The following LTBR variants were observed in gnomAD, a reference collection of about 807,000 sequenced individuals.
LTBR encodes the protein tumor necrosis factor receptor superfamily member 3.
In LTBR, 15 loss-of-function variants were observed where a neutral mutation model predicts 45.4. The ratio of observed to expected loss-of-function variants is 0.33; its 90% CI spans 0.22 to 0.51. LTBR has a LOEUF of 0.51. Ranked by LOEUF, LTBR falls within the 20% of genes least tolerant of loss-of-function variation. The probability of loss-of-function intolerance (pLI) is 0.97; values close to 1 mark genes in which losing one functional copy is unlikely to be tolerated. For missense variants in LTBR, 450 were observed against 565.5 expected, an observed-to-expected ratio of 0.80 and a Z score of 2.07; for synonymous variants, 228 against 231.0, an observed-to-expected ratio of 0.99 and a Z score of 0.12.
In LTBR at chr12:6,386,027, T is replaced by A. The variant is rs1254890565; in HGVS notation, c.473-39T>A. On this transcript the variant is annotated intron_variant, in intron 4 of 9. Transcript: ENST00000228918. This position sits in a 1 kb window ranked among gnomAD's most constrained non-coding sequence, Gnocchi z 4.1. ...AGGCCGGCAAAGGGCCCCTCCCTTT[T>A]GCCCATTCACCCTGGCTGGCCTGCC... 6.9e-7 allele frequency: 1 copy of A among 1,457,578 alleles called. No homozygotes were observed. Among genetic ancestry groups the A allele is most frequent in the East Asian group, 2.3e-5 (1 of 44,096 alleles). 90.3% of individuals were successfully genotyped at this position (1,457,578 alleles called of 1,614,324 possible).
In LTBR at chr12:6,390,153, G is replaced by A. The variant is rs779228196; in HGVS notation, c.843G>A (p.Pro281=). 8.7e-6 allele frequency: 14 copies of A among 1,613,958 alleles called. No homozygotes were observed. Among genetic ancestry groups the A allele is most frequent in the East Asian group, 6.7e-5 (3 of 44,872 alleles). ...PNPVAGSWEP[P]KAHPYFPDLV... is the part of the protein sequence containing the mutation. ...CTGTAGCTGGAAGCTGGGAGCCTCC[G>A]AAGGCCCATCCATACTTCCCTGACT... The change falls in exon 9 of 10, where the codon CCG becomes CCA. Residue 281 remains proline (P), a synonymous_variant. Coordinates refer to ENST00000228918, the MANE Select transcript of LTBR (RefSeq NM_002342.3).
chr12:6,385,808 G>A (rs1293178482), intron 4 of LTBR: 1 of 390,740 alleles, frequency 2.6e-6, no homozygotes, highest in African/African-American at 2.1e-5. Flanking sequence ...GGGAGGCTGA[G>A]GCAGGAGAAT....
At chr12:6,375,474 A>G in exon 1 of LTBR, 1 of 1,535,388 alleles carries the variant, frequency 6.5e-7, no homozygotes, top group Non-Finnish European at 8.7e-7. Context: ...TTCCAGTTGA[A>G]TCTGGCAGCC....
chr12:6,376,209 T>A (rs1008529546), intron 1 of LTBR: 6 of 984,048 alleles, frequency 6.1e-6, no homozygotes, highest in Non-Finnish European at 1.2e-6. Context: ...GTGGGATGCG[T>A]CTGCCTCCTC....
At chr12:6,376,262 A>C in intron 1 of LTBR, 1 of 876,526 alleles carries the variant, frequency 1.1e-6, no homozygotes, top group Non-Finnish European at 1.4e-6. Flanking sequence ...CACCCCCTCC[A>C]ACCTTGTCCA....
intron 1 of LTBR, chr12:6,377,598 C>G (rs1948932478): frequency 8.9e-7 from 1 of 1,124,736 alleles, no homozygotes; most frequent in Admixed American, 2.2e-5. Flanking sequence ...GGTCTCTGCA[C>G]TGTCCCCACT....
Position 6,388,544 on chromosome 12 carries a change from G to A in LTBR, c.775+39G>A, listed in dbSNP as rs1171868947. On this transcript the variant is annotated intron_variant, in intron 7 of 9. Coordinates refer to ENST00000228918, the MANE Select transcript of LTBR (RefSeq NM_002342.3). This position sits in a 1 kb window ranked among gnomAD's most constrained non-coding sequence, Gnocchi z 4.3. Reference sequence around the variant, plus strand: ...GGATGCAGTGGATGGTTGGCAATGGGAGCCGGAGGGAGGAATATTCAACTT... The same window carrying A: ...GGATGCAGTGGATGGTTGGCAATGGAAGCCGGAGGGAGGAATATTCAACTT... 3 of 1,550,952 alleles carry A rather than the reference G, an allele frequency of 1.9e-6. No individual in the cohort carries two copies. The highest frequency in any genetic ancestry group is 1.7e-4 in the Middle Eastern group (1 of 5,962).
chr12:6,384,678 C>T lies in LTBR; in HGVS notation c.187C>T (p.Pro63Ser). 1.2e-6 allele frequency: 2 copies of T among 1,614,130 alleles called. No individual in the cohort carries two copies. The highest frequency in any genetic ancestry group is 1.7e-6 in the Non-Finnish European group (2 of 1,179,958). ...GCACCGCATCTGCTGCTCCCGCTGC[C>T]CGCCAGGTGAGAGGCAATGGCAGGA... ...PQHRICCSRCPPGTYVSAKCS... is the reference protein window; with the variant it reads ...PQHRICCSRCSPGTYVSAKCS... The change falls in exon 2 of 10, where the codon CCG becomes TCG. Residue 63 changes from proline (P) to serine (S), a missense_variant. Coordinates refer to ENST00000228918, the MANE Select transcript of LTBR (RefSeq NM_002342.3).
In LTBR at chr12:6,384,567, C is replaced by A. The variant is rs760960180; in HGVS notation, c.97-21C>A. 6.2e-6 allele frequency: 10 copies of A among 1,612,260 alleles called. No homozygotes were observed. In the South Asian group the frequency reaches 1.1e-4, roughly 18 times the overall value. On this transcript the variant is annotated intron_variant, in intron 1 of 9. Transcript: ENST00000228918. Reference sequence around the variant, plus strand: ...GACCCCTGACTAATTCTTCTCTCCTCTTCTCCATCTCCCTTTGAAGGTGCC... The same window carrying A: ...GACCCCTGACTAATTCTTCTCTCCTATTCTCCATCTCCCTTTGAAGGTGCC...
rs1282644544 is a variant in LTBR, at chr12:6,375,750, G to T, written c.39+156G>T. The T allele has an allele frequency of 3.5e-6, 5 of 1,412,504 alleles. No homozygotes were observed. In the African/African-American group the frequency reaches 5.9e-5, roughly 17 times the overall value. The allele number at this position is 1,412,504 out of a possible 1,614,324, so 87.5% of individuals were successfully genotyped here. ...ACGCAGACAGGCAAGGAGGCTGGGG[G>T]ACAGGATGGCAGGTGAGGGGCAAAG... On this transcript the variant is annotated intron_variant, in intron 1 of 9. Coordinates refer to the LTBR transcript ENST00000539925.
In LTBR at chr12:6,385,234, C is replaced by T. The variant is rs1214035035; in HGVS notation, c.327C>T (p.Gly109=). Residue 109 remains glycine, a synonymous_variant, in exon 4 of 10, where the codon GGC becomes GGT. Transcript: ENST00000228918. ...CTCCCGTCTCCCCGCCAGTGATGGGCCTCGAGGAGATTGCCCCCTGCACAA... is the reference window on the plus strand; with the variant it reads ...CTCCCGTCTCCCCGCCAGTGATGGGTCTCGAGGAGATTGCCCCCTGCACAA... The part of the protein sequence containing the change: ...QLCRPCDPVM[G]LEEIAPCTSK... 1.9e-6 allele frequency: 3 copies of T among 1,614,100 alleles called. No homozygotes were observed. The highest frequency in any genetic ancestry group is 4.5e-5 in the East Asian group (2 of 44,880).
chr12:6,390,532 C>A, intron 9 of LTBR, 128 bp from the exon 10 acceptor site: 1 of 1,092,254 alleles, frequency 9.2e-7, no homozygotes, highest in Non-Finnish European at 1.3e-6. Context: ...CACAGAAGCT[C>A]AATAAACCAG....
At chr12:6,377,931 C>T (rs1024645629) in intron 1 of LTBR, among the ~76,000 whole-genome samples, 3 of 152,230 alleles carry the variant, frequency 2.0e-5, no homozygotes, top group Non-Finnish European at 4.4e-5. Flanking sequence ...AGTGCTGCAG[C>T]ATTCTAGACC....
At position 6,384,518 on chromosome 12, in the gene LTBR, C is replaced by A; in HGVS notation, c.96+64C>A. On this transcript the variant is annotated intron_variant, in intron 1 of 9. Coordinates refer to ENST00000228918, the MANE Select transcript of LTBR (RefSeq NM_002342.3). ...AAGAGGGATCTGGGCAGCCGTCGCTCCATTCCCTCTGCCCTCCCAAGCTGA... is the reference window on the plus strand; with the variant it reads ...AAGAGGGATCTGGGCAGCCGTCGCTACATTCCCTCTGCCCTCCCAAGCTGA... 2.5e-6 allele frequency: 4 copies of A among 1,603,308 alleles called. No individual in the cohort carries two copies. In the South Asian group the frequency reaches 4.4e-5, roughly 18 times the overall value.
Position 6,388,673 on chromosome 12 carries a change from G to A in LTBR, c.776-127G>A, listed in dbSNP as rs1949076391. The A allele has an allele frequency of 8.2e-7, 1 of 1,215,652 alleles. No homozygotes were observed. The highest frequency in any genetic ancestry group is 1.2e-6 in the Non-Finnish European group (1 of 826,474). The allele number at this position is 1,215,652 out of a possible 1,614,324, so 75.3% of individuals were successfully genotyped here. On this transcript the variant is annotated intron_variant, in intron 7 of 9. Transcript: ENST00000228918. The surrounding 1 kb of genome is among the most constrained non-coding windows in gnomAD (Gnocchi z 4.3). Reference sequence around the variant, plus strand: ...TTATTCTGAGGCTGGAGATGAGAGTGACAGTGGCTTGTTCCTCTGGGCCCC... The same window carrying A: ...TTATTCTGAGGCTGGAGATGAGAGTAACAGTGGCTTGTTCCTCTGGGCCCC...
chr12:6,388,456 C>T lies in LTBR; in HGVS notation c.726C>T (p.Thr242=), dbSNP rs369186345. The change falls in exon 7 of 10, where the codon ACC becomes ACT. Residue 242 remains threonine, a synonymous_variant. Transcript: ENST00000228918. This position sits in a 1 kb window ranked among gnomAD's most constrained non-coding sequence, Gnocchi z 4.3. ...LPLAFFLLLA[T]VFSCIWKSHP... is the part of the protein sequence containing the mutation. ...TGGCCTTCTTTCTGCTCCTTGCCACCGTCTTCTCCTGCATCTGGAAGAGCC... is the reference window on the plus strand; with the variant it reads ...TGGCCTTCTTTCTGCTCCTTGCCACTGTCTTCTCCTGCATCTGGAAGAGCC... The T allele has an allele frequency of 8.7e-6, 14 of 1,613,942 alleles. No individual in the cohort carries two copies. Among genetic ancestry groups the T allele is most frequent in the African/African-American group, 6.7e-5 (5 of 74,892 alleles).
At chr12:6,377,655 C>T (rs1210665546) in intron 1 of LTBR, 3 of 1,305,922 alleles carry the variant, frequency 2.3e-6, no homozygotes, top group South Asian at 1.2e-5. Flanking sequence ...CTCCCTTGAG[C>T]CAGGTCCTTA....
chr12:6,384,958 C>T, intron 2 of LTBR, 64 bp from the exon 3 acceptor site: 9 of 1,602,676 alleles, frequency 5.6e-6, no homozygotes, highest in Non-Finnish European at 7.7e-6. Flanking sequence ...GGTCACACTA[C>T]AGGCAGCGGA....
chr12:6,388,371 T>A lies in LTBR; in HGVS notation c.668-27T>A, dbSNP rs775862092. 1.3e-6 allele frequency: 2 copies of A among 1,567,000 alleles called. No homozygotes were observed. The highest frequency in any genetic ancestry group is 8.8e-7 in the Non-Finnish European group (1 of 1,138,054). Reference sequence around the variant, plus strand: ...CCCTCTGCCCTTCTTGGGGCTGTGATCACCCTCCTGTCTGCTGTCCTGGCA... The same window carrying A: ...CCCTCTGCCCTTCTTGGGGCTGTGAACACCCTCCTGTCTGCTGTCCTGGCA... On this transcript the variant is annotated intron_variant, in intron 6 of 9. Transcript: ENST00000228918. The surrounding 1 kb of genome is among the most constrained non-coding windows in gnomAD (Gnocchi z 4.3).
Sources: allele counts gnomAD v4.1 joint callset (sites outside exome capture counted in the v4.1 genomes callset), GRCh38; gene constraint gnomAD v4.1.1; non-coding constraint Gnocchi (gnomAD v3.1); transcripts MANE v1.5; gene names NCBI Gene and HGNC (gene_info 2026-07-23, HGNC 2026-07-21).